Variants in NLN observed in about 807,000 individuals in gnomAD.
NLN encodes neurolysin, mitochondrial.
Under a neutral mutation model 79.9 loss-of-function variants are expected in NLN, and 64 were observed. That is an observed-to-expected ratio of 0.80 (90% CI 0.65 to 0.99). The LOEUF is 0.99. Ranked by LOEUF, NLN falls within the 50% of genes least tolerant of loss-of-function variation. The pLI, the probability that NLN is intolerant of heterozygous loss-of-function variation, is 0.00. For synonymous variants in NLN, 267 were observed against 296.6 expected, an observed-to-expected ratio of 0.90 and a Z score of 1.02; for missense variants, 835 against 858.7, an observed-to-expected ratio of 0.97 and a Z score of 0.34.
At chr5:65,793,082 A>G in intron 9 of NLN, 1 of 279,966 alleles carries the variant, frequency 3.6e-6, no homozygotes, top group South Asian at 3.3e-5. Flanking sequence ...TAATTTTGTA[A>G]CATTTGCCTT....
chr5:65,802,558 G>A (rs1207107826), intron 9 of NLN, among the ~76,000 whole-genome samples: 1 of 152,220 alleles, frequency 6.6e-6, no homozygotes, highest in African/African-American at 2.4e-5. Context: ...CGAGCAAGGG[G>A]CATGTTTCAG....
At chr5:65,765,718 A>G (rs1371390150) in intron 3 of NLN, among the ~76,000 whole-genome samples, 2 of 151,714 alleles carry the variant, frequency 1.3e-5, no homozygotes, top group African/African-American at 2.4e-5. Flanking sequence ...CAGAAAGAAA[A>G]AAAAAAAAAT....
intron 1 of NLN, among the ~76,000 whole-genome samples, chr5:65,734,757 T>G (rs952910871): frequency 2.0e-5 from 3 of 152,198 alleles, no homozygotes; most frequent in African/African-American, 7.2e-5. Context: ...CACAGGTTGA[T>G]GAAGCCTGCT....
chr5:65,773,127 A>ATTTTT (rs757202934), intron 3 of NLN, among the ~76,000 whole-genome samples: 1,138 of 96,574 alleles, frequency 0.012, 38 homozygotes, highest in African/African-American at 0.045. Context: ...CCTGAATTCT[A>ATTTTT]TTTTTTTTTT....
chr5:65,751,124 CA>C lies in NLN; in HGVS notation c.42-7440del, dbSNP rs139039232. On this transcript the variant is annotated intron_variant, in intron 1 of 12. Transcript: ENST00000380985. ...GCAGCTTGTAGAGAAACATTAATTG[CA>C]AAGCAAATACTAGGAATATTTGCCA... is the stretch of plus-strand genomic sequence containing the variant. Among the ~76,000 whole-genome samples, 1,450 of 152,200 alleles carry C rather than the reference CA, an allele frequency of 9.5e-3. 29 individuals carry two copies. Among genetic ancestry groups the C allele is most frequent in the African/African-American group, 0.034 (1,392 of 41,506 alleles).
rs757946202 is a variant in NLN, at chr5:65,772,952, TG to T, written c.451-4474del. Among the ~76,000 whole-genome samples, 74 of 105,042 alleles carry T rather than the reference TG, an allele frequency of 7.0e-4. No homozygotes were observed. The South Asian group carries it at 7.4e-3, about 11-fold the overall frequency. The allele number at this position is 105,042 out of a possible 152,430, so 68.9% of individuals were successfully genotyped here. A position where few individuals can be genotyped will look rare whatever the true frequency, so the allele number is the denominator to read the frequency against. ...AAATTCAAAGTTCCTAATTCTTTTT[TG>T]TTTTTTTTTTTTTTAAATGAGCAGG... On this transcript the variant is annotated intron_variant, in intron 3 of 12. Transcript: ENST00000380985.
At chr5:65,751,268 G>A (rs1343194313) in intron 1 of NLN, among the ~76,000 whole-genome samples, 1 of 152,182 alleles carries the variant, frequency 6.6e-6, no homozygotes, top group Non-Finnish European at 1.5e-5. Flanking sequence ...GGAGGTAGAA[G>A]TTGTAAAATT....
At position 65,723,814 on chromosome 5, in the gene NLN, CAAA is replaced by C. The variant is rs760572199; in HGVS notation, c.41+1420_41+1422del. Among the ~76,000 whole-genome samples the C allele has an allele frequency of 4.7e-4, 26 of 55,318 alleles. 1 individual carries two copies. The highest frequency in any genetic ancestry group is 0.024 in the Middle Eastern group (2 of 84). 36.3% of individuals were successfully genotyped at this position (55,318 alleles called of 152,430 possible). A position where few individuals can be genotyped will look rare whatever the true frequency, so the allele number is the denominator to read the frequency against. The stretch of plus-strand genomic sequence containing the variant: ...TGGGCGACAGAGCAAGACTCCGTCT[CAAA>C]AAAAAAAAAAAAAAAAAAAGAACAA... On this transcript the variant is annotated intron_variant, in intron 1 of 12. Coordinates refer to ENST00000380985, the MANE Select transcript of NLN (RefSeq NM_020726.5).
At chr5:65,767,039 C>A (rs1436726001) in intron 3 of NLN, among the ~76,000 whole-genome samples, 2 of 152,192 alleles carry the variant, frequency 1.3e-5, no homozygotes, top group African/African-American at 4.8e-5. Flanking sequence ...ATGTTGCCTG[C>A]AGCTTTTTCA....
chr5:65,795,083 T>C (rs1214645010), intron 9 of NLN, among the ~76,000 whole-genome samples: 2 of 152,192 alleles, frequency 1.3e-5, no homozygotes, highest in Non-Finnish European at 2.9e-5. Context: ...CTGGGCGTGG[T>C]GGTTCATGCC....
In NLN at chr5:65,823,139, A is replaced by G; in HGVS notation, c.*224A>G. On this transcript the variant is annotated 3_prime_UTR_variant, in exon 13 of 13. Coordinates refer to ENST00000380985, the MANE Select transcript of NLN (RefSeq NM_020726.5). ...TAATTGTACTATAAAATTTCATAAAACTGGATTTGATTTCTTTTTATGAAA... is the reference window on the plus strand; with the variant it reads ...TAATTGTACTATAAAATTTCATAAAGCTGGATTTGATTTCTTTTTATGAAA... 2.4e-6 allele frequency: 1 copy of G among 414,934 alleles called. No homozygotes were observed. 25.7% of individuals were successfully genotyped at this position (414,934 alleles called of 1,614,324 possible). A position where few individuals can be genotyped will look rare whatever the true frequency, so the allele number is the denominator to read the frequency against.
At chr5:65,801,458 T>G (rs936150705) in intron 9 of NLN, among the ~76,000 whole-genome samples, 3 of 152,250 alleles carry the variant, frequency 2.0e-5, no homozygotes, top group African/African-American at 7.2e-5. Context: ...ACTGCATTCC[T>G]TTCTCTTGAG....
intron 3 of NLN, among the ~76,000 whole-genome samples, chr5:65,764,320 T>C (rs1759404820): frequency 6.6e-6 from 1 of 152,172 alleles, no homozygotes; most frequent in Admixed American, 6.5e-5. Flanking sequence ...AAATTTTGTG[T>C]ATTTGAGACC....
intron 6 of NLN, among the ~76,000 whole-genome samples, chr5:65,782,344 G>A (rs1759819701): frequency 1.3e-5 from 2 of 152,142 alleles, no homozygotes; most frequent in African/African-American, 4.8e-5. Context: ...AACTTTTGTA[G>A]GCCAGACTTA....
intron 3 of NLN, among the ~76,000 whole-genome samples, chr5:65,776,847 G>T (rs190134502): frequency 6.6e-6 from 1 of 152,178 alleles, no homozygotes; most frequent in Non-Finnish European, 1.5e-5. Context: ...CCAGATACTT[G>T]TTCCTATGCG....
In NLN at chr5:65,828,420, C is replaced by A. The variant is rs990933165; in HGVS notation, c.*5505C>A. Reference sequence around the variant, plus strand: ...CAAGATGGTGATAACTTTGAAAATACTTCTCAAAAGAAAAATAAAAAAGAA... The same window carrying A: ...CAAGATGGTGATAACTTTGAAAATAATTCTCAAAAGAAAAATAAAAAAGAA... On this transcript the variant is annotated 3_prime_UTR_variant, in exon 13 of 13. Coordinates refer to ENST00000380985, the MANE Select transcript of NLN (RefSeq NM_020726.5). The A allele has an allele frequency of 1.3e-5, 2 of 152,152 alleles. No homozygotes were observed. The highest frequency in any genetic ancestry group is 4.8e-5 in the African/African-American group (2 of 41,428). The allele number at this position is 152,152 out of a possible 1,614,324, so 9.4% of individuals were successfully genotyped here.
At chr5:65,767,703 A>G (rs553053478) in intron 3 of NLN, among the ~76,000 whole-genome samples, 1 of 152,344 alleles carries the variant, frequency 6.6e-6, no homozygotes. Context: ...TCAAATGTTT[A>G]TGCTCTGTCT....
At position 65,777,330 on chromosome 5, in the gene NLN, C is replaced by T. The variant is rs10069858; in HGVS notation, c.451-97C>T. 4,788 of 822,244 alleles carry T rather than the reference C, an allele frequency of 5.8e-3. 139 individuals carry two copies. The African/African-American group carries it at 0.067, about 12-fold the overall frequency. 50.9% of individuals were successfully genotyped at this position (822,244 alleles called of 1,614,324 possible). A position where few individuals can be genotyped will look rare whatever the true frequency, so the allele number is the denominator to read the frequency against. ...GTAATCACCTATGTGCTTCATAACC[C>T]AACGGAGATGATGAATAAATTTGCT... On this transcript the variant is annotated intron_variant, in intron 3 of 12. Transcript: ENST00000380985.
intron 1 of NLN, among the ~76,000 whole-genome samples, chr5:65,746,980 G>T (rs1758994972): frequency 6.6e-6 from 1 of 151,530 alleles, no homozygotes; most frequent in South Asian, 2.1e-4. Context: ...CTCCAGCCTG[G>T]GTGACTGAGC....
Sources: gnomAD v4.1 joint callset for allele counts (sites outside exome capture counted in the v4.1 genomes callset) on GRCh38, gnomAD v4.1.1 for gene constraint, MANE v1.5 for transcripts, NCBI Gene and HGNC (gene_info 2026-07-23, HGNC 2026-07-21) for gene names.